The following CDK6 variants were observed in gnomAD, a reference collection of about 807,000 sequenced individuals.
The protein encoded by CDK6 is cyclin-dependent kinase 6.
In CDK6, 6 loss-of-function variants were observed where a neutral mutation model predicts 37.1. That is an observed-to-expected ratio of 0.16 (90% confidence interval 0.09 to 0.32). The LOEUF is 0.32. Ranked by LOEUF, CDK6 falls within the 10% of genes least tolerant of loss-of-function variation. The probability of loss-of-function intolerance (pLI) is 1.00; values close to 1 mark genes in which losing one functional copy is unlikely to be tolerated. For synonymous variants in CDK6, 160 were observed against 161.3 expected, an observed-to-expected ratio of 0.99 and a Z score of 0.06; for missense variants, 224 against 418.9, an observed-to-expected ratio of 0.53 and a Z score of 4.06.
In CDK6 at chr7:92,725,804, T is replaced by TA. The variant is rs773364440; in HGVS notation, c.370-12dup. On this transcript the variant is annotated splice_polypyrimidine_tract_variant and intron_variant, in intron 3 of 7. Coordinates refer to ENST00000424848, the MANE Select transcript of CDK6 (RefSeq NM_001145306.2). ...CTGAAACATCATATCCTAATAAAATTAAAAAAAGAAAATCAGTAAACACTC... is the reference window on the plus strand; with the variant it reads ...CTGAAACATCATATCCTAATAAAATTAAAAAAAAGAAAATCAGTAAACACTC... The TA allele has an allele frequency of 3.0e-5, 48 of 1,599,522 alleles. No homozygotes were observed. The highest frequency in any genetic ancestry group is 3.9e-5 in the Non-Finnish European group (46 of 1,173,266).
At chr7:92,645,706 CA>C (rs1796431229) in intron 5 of CDK6, among the ~76,000 whole-genome samples, 2 of 152,338 alleles carry the variant, frequency 1.3e-5, no homozygotes, top group South Asian at 2.1e-4. Flanking sequence ...TAAGAGGGGG[CA>C]GGGGCACTCC....
At chr7:92,634,963 T>C (rs756074227) in intron 5 of CDK6, among the ~76,000 whole-genome samples, 1 of 152,126 alleles carries the variant, frequency 6.6e-6, no homozygotes, top group African/African-American at 2.4e-5. Flanking sequence ...TTTATATTCA[T>C]AGTGAGAAGA....
At chr7:92,702,157 C>T (rs1384154729) in intron 4 of CDK6, among the ~76,000 whole-genome samples, 1 of 143,920 alleles carries the variant, frequency 6.9e-6, no homozygotes, top group Non-Finnish European at 1.5e-5. Flanking sequence ...TGATTCTTTC[C>T]TTATAGAAGA....
At chr7:92,765,652 C>T (rs1799561189) in intron 3 of CDK6, among the ~76,000 whole-genome samples, 1 of 152,154 alleles carries the variant, frequency 6.6e-6, no homozygotes, top group African/African-American at 2.4e-5. Flanking sequence ...GTTACAAACA[C>T]ATGTTTACTG....
At chr7:92,754,574 A>T (rs10) in intron 3 of CDK6, among the ~76,000 whole-genome samples, 1 of 152,196 alleles carries the variant, frequency 6.6e-6, no homozygotes, top group South Asian at 2.1e-4. Flanking sequence ...GGTAATCAGA[A>T]TTTCACTAGA....
chr7:92,713,093 T>C (rs1798139602), intron 4 of CDK6, among the ~76,000 whole-genome samples: 1 of 152,112 alleles, frequency 6.6e-6, no homozygotes, highest in African/African-American at 2.4e-5. Context: ...ACTCCTGACC[T>C]CATGATCTGC....
At chr7:92,802,060 A>C (rs762105139) in intron 2 of CDK6, among the ~76,000 whole-genome samples, 4 of 149,358 alleles carry the variant, frequency 2.7e-5, no homozygotes, top group Non-Finnish European at 5.9e-5. Context: ...ATGGGGAACA[A>C]GCGCAATTTT....
chr7:92,700,520 A>C (rs1302320648), intron 4 of CDK6, among the ~76,000 whole-genome samples: 1 of 152,206 alleles, frequency 6.6e-6, no homozygotes, highest in African/African-American at 2.4e-5. Context: ...GGCCAGGTAG[A>C]TGGTGAGGCC....
chr7:92,667,525 G>T (rs1385290991), intron 5 of CDK6, among the ~76,000 whole-genome samples: 2 of 150,752 alleles, frequency 1.3e-5, no homozygotes, highest in African/African-American at 2.5e-5. Flanking sequence ...CATTACAAAA[G>T]AATCAAAAAG....
At position 92,731,025 on chromosome 7, in the gene CDK6, C is replaced by T. The variant is rs547632227; in HGVS notation, c.370-5232G>A. On this transcript the variant is annotated intron_variant, in intron 3 of 7. Transcript: ENST00000424848. ...ACAGCATCGTGTTAAGGTCCTAAAG[C>T]GTTAGCCAAGTGGCTTGATTCACTC... Among the ~76,000 whole-genome samples the T allele has an allele frequency of 2.0e-5, 3 of 152,264 alleles. No homozygotes were observed. The South Asian group carries it at 6.2e-4, about 32-fold the overall frequency.
chr7:92,730,244 G>A (rs1209006511), intron 3 of CDK6, among the ~76,000 whole-genome samples: 1 of 152,104 alleles, frequency 6.6e-6, no homozygotes, highest in African/African-American at 2.4e-5. Flanking sequence ...ATTAAAAACA[G>A]GACATATCCA....
At position 92,694,564 on chromosome 7, in the gene CDK6, G is replaced by T. The variant is rs368132463; in HGVS notation, c.538-23029C>A. On this transcript the variant is annotated intron_variant, in intron 4 of 7. Coordinates refer to ENST00000424848, the MANE Select transcript of CDK6 (RefSeq NM_001145306.2). Reference sequence around the variant, plus strand: ...AGAAGAGCCTGTGAAGAACCTTTAAGAGTTATTTAGCCTGAGTGGCAAAAG... The same window carrying T: ...AGAAGAGCCTGTGAAGAACCTTTAATAGTTATTTAGCCTGAGTGGCAAAAG... Among the ~76,000 whole-genome samples, 5 of 152,282 alleles carry T rather than the reference G, an allele frequency of 3.3e-5. No individual in the cohort carries two copies. In the East Asian group the frequency reaches 9.6e-4, roughly 29 times the overall value.
chr7:92,756,969 C>G (rs1035932744), intron 3 of CDK6, among the ~76,000 whole-genome samples: 1 of 152,014 alleles, frequency 6.6e-6, no homozygotes, highest in Non-Finnish European at 1.5e-5. Context: ...TAACCCAGAA[C>G]TGAAACACAG....
At chr7:92,630,481 T>C (rs1796026702) in intron 5 of CDK6, among the ~76,000 whole-genome samples, 1 of 152,136 alleles carries the variant, frequency 6.6e-6, no homozygotes, top group Non-Finnish European at 1.5e-5. Flanking sequence ...TAGCAAGTAC[T>C]GAAAAACTTT....
chr7:92,619,953 G>T (rs1428642081), intron 6 of CDK6, among the ~76,000 whole-genome samples: 1 of 152,072 alleles, frequency 6.6e-6, no homozygotes, highest in African/African-American at 2.4e-5. Context: ...GGATACAATG[G>T]GACAGGGCAG....
chr7:92,697,766 G>A (rs988927028), intron 4 of CDK6, among the ~76,000 whole-genome samples: 3 of 152,164 alleles, frequency 2.0e-5, no homozygotes, highest in African/African-American at 4.8e-5. Flanking sequence ...ATTTTTCATC[G>A]TATTACTGAA....
chr7:92,710,156 A>T (rs1178964470), intron 4 of CDK6, among the ~76,000 whole-genome samples: 1 of 152,200 alleles, frequency 6.6e-6, no homozygotes, highest in African/African-American at 2.4e-5. Flanking sequence ...TTTCCTGGCT[A>T]GCATAACCTG....
chr7:92,653,911 A>T (rs1796632116), intron 5 of CDK6, among the ~76,000 whole-genome samples: 1 of 152,078 alleles, frequency 6.6e-6, no homozygotes, highest in Admixed American at 6.6e-5. Context: ...CGGCCTCAAG[A>T]TCATCAATTT....
chr7:92,705,670 C>T (rs1286553200), intron 4 of CDK6, among the ~76,000 whole-genome samples: 1 of 152,168 alleles, frequency 6.6e-6, no homozygotes, highest in East Asian at 1.9e-4. Flanking sequence ...TGTGGCCAAA[C>T]CACACCTTTA....
Sources: allele counts gnomAD v4.1 joint callset (sites outside exome capture counted in the v4.1 genomes callset), GRCh38; gene constraint gnomAD v4.1.1; transcripts MANE v1.5; gene names NCBI Gene and HGNC (gene_info 2026-07-23, HGNC 2026-07-21).